The following CALN1 variants were observed in gnomAD, a reference collection of about 807,000 sequenced individuals.
CALN1 encodes the protein calcium-binding protein 8.
CALN1 carries 17 observed loss-of-function variants against 30.6 expected under a neutral mutation model. The observed-to-expected ratio is 0.56, with a 90% CI of 0.38 to 0.83. The LOEUF (loss-of-function observed/expected upper bound fraction) is 0.83, where lower values mean the gene tolerates loss of function less well. Among genes scored for constraint, CALN1 ranks in the 40% least tolerant of loss-of-function variants. The pLI is 0.00. For synonymous variants in CALN1, 156 were observed against 131.4 expected, an observed-to-expected ratio of 1.19 and a Z score of -1.28; for missense variants, 291 against 354.9, an observed-to-expected ratio of 0.82 and a Z score of 1.45.
chr7:72,337,330 A>AC (rs1355045575), intron 2 of CALN1: 1 of 961,704 alleles, frequency 1.0e-6, no homozygotes, highest in Non-Finnish European at 1.2e-6. Context: ...GGGAGCCCCC[A>AC]CCCCCCAACC....
At chr7:72,467,638 T>G in the CALN1 span, among the ~76,000 whole-genome samples, 1 of 152,170 alleles carries the variant, frequency 6.6e-6, no homozygotes, top group Non-Finnish European at 1.5e-5. Flanking sequence ...TGGCCGTCCA[T>G]AGCCCCGACC....
At chr7:71,969,255 C>T (rs887522916) in intron 5 of CALN1, among the ~76,000 whole-genome samples, 8 of 152,004 alleles carry the variant, frequency 5.3e-5, no homozygotes, top group Admixed American at 3.3e-4. Context: ...TAGTGTTACC[C>T]TTTGCCCAGG....
chr7:72,445,020 T>A lies in CALN1; in HGVS notation c.-226+2022A>T, dbSNP rs1240492433. On this transcript the variant is annotated intron_variant, in intron 1 of 6. Transcript: ENST00000395276. ...TAAACAAACTCCACTGGGACCTGCG[T>A]ACAGCTTCTTGAAAGCCAGCAGCCA... Among the ~76,000 whole-genome samples the A allele has an allele frequency of 2.0e-5, 3 of 149,668 alleles. No individual in the cohort carries two copies. In the Admixed American group the frequency reaches 2.0e-4, roughly 10 times the overall value.
chr7:72,297,399 ATC>A (rs1040893607), intron 2 of CALN1, among the ~76,000 whole-genome samples: 110 of 152,338 alleles, frequency 7.2e-4, no homozygotes, highest in African/African-American at 2.5e-3. Flanking sequence ...TAAACAACAA[ATC>A]TCTGACAGGT....
intron 3 of CALN1, among the ~76,000 whole-genome samples, chr7:72,271,737 C>T (rs969587520): frequency 1.3e-5 from 2 of 150,728 alleles, no homozygotes; most frequent in Non-Finnish European, 3.0e-5. Context: ...AACAACAGTG[C>T]CAGATGCTGC....
chr7:72,205,688 T>C (rs1416052568), intron 3 of CALN1, among the ~76,000 whole-genome samples: 1 of 150,076 alleles, frequency 6.7e-6, no homozygotes, highest in Non-Finnish European at 1.5e-5. Context: ...TTTTGTAACA[T>C]CAAATTTATC....
chr7:72,172,347 T>C lies in CALN1; in HGVS notation c.245-66053A>G, dbSNP rs538336636. On this transcript the variant is annotated intron_variant, in intron 3 of 6. Coordinates refer to ENST00000395275, the MANE Select transcript of CALN1 (RefSeq NM_031468.4). ...ACCTTCTCAGTCACATTCAGACCAT[T>C]TGTACCTCCTTCACAGCAACCAGTG... Among the ~76,000 whole-genome samples the C allele has an allele frequency of 1.4e-3, 208 of 152,280 alleles. 1 individual carries two copies. Among genetic ancestry groups the C allele is most frequent in the African/African-American group, 4.7e-3 (196 of 41,554 alleles).
chr7:71,905,099 C>A (rs1794058843), intron 5 of CALN1, among the ~76,000 whole-genome samples: 1 of 152,008 alleles, frequency 6.6e-6, no homozygotes, highest in Non-Finnish European at 1.5e-5. Flanking sequence ...TGACCATGCC[C>A]AACTAATTTT....
chr7:72,233,027 G>C (rs1794220614), intron 3 of CALN1, among the ~76,000 whole-genome samples: 1 of 151,976 alleles, frequency 6.6e-6, no homozygotes, highest in Non-Finnish European at 1.5e-5. Context: ...TCAATAATAT[G>C]CATATAATTT....
chr7:72,179,556 A>T (rs1481306039), intron 3 of CALN1, among the ~76,000 whole-genome samples: 5 of 152,292 alleles, frequency 3.3e-5, no homozygotes, highest in Admixed American at 2.0e-4. Context: ...ACTGAAGAAG[A>T]AAATAATAAA....
At chr7:72,451,016 A>C (rs1231941243), upstream of CALN1, among the ~76,000 whole-genome samples, 2 of 152,068 alleles carry the variant, frequency 1.3e-5, no homozygotes, top group East Asian at 3.9e-4. Flanking sequence ...GTGCCCCAGG[A>C]TGCTACAGTT....
intron 3 of CALN1, among the ~76,000 whole-genome samples, chr7:72,271,198 A>G (rs1350487920): frequency 2.0e-5 from 3 of 152,124 alleles, no homozygotes; most frequent in African/African-American, 7.2e-5. Flanking sequence ...ACACCTGCAC[A>G]GGACTACAGG....
At chr7:72,068,177 A>T (rs1804153114) in intron 4 of CALN1, among the ~76,000 whole-genome samples, 1 of 152,198 alleles carries the variant, frequency 6.6e-6, no homozygotes, top group South Asian at 2.1e-4. Flanking sequence ...CCTACTTTTT[A>T]AATGCAAGCA....
chr7:72,181,560 C>T (rs1423746224), intron 3 of CALN1, among the ~76,000 whole-genome samples: 1 of 151,088 alleles, frequency 6.6e-6, no homozygotes, highest in Non-Finnish European at 1.5e-5. Context: ...CTCATTGCAA[C>T]CTTCACCCCC....
intron 5 of CALN1, among the ~76,000 whole-genome samples, chr7:71,905,385 T>TC (rs917882732): frequency 3.3e-5 from 5 of 151,324 alleles, no homozygotes; most frequent in Non-Finnish European, 7.4e-5. Context: ...ATGTGTAGTT[T>TC]TTTTTTTTTT....
At chr7:72,346,122 A>G (rs1470455181) in intron 2 of CALN1, among the ~76,000 whole-genome samples, 1 of 152,200 alleles carries the variant, frequency 6.6e-6, no homozygotes, top group African/African-American at 2.4e-5. Context: ...TTTCTTTCTA[A>G]TTCAATAATT....
the CALN1 span, among the ~76,000 whole-genome samples, chr7:72,494,533 A>G: frequency 4.6e-5 from 7 of 152,156 alleles, no homozygotes; most frequent in Non-Finnish European, 1.5e-5. Context: ...ACCTGCGGGA[A>G]TTCCCTGGAC....
At chr7:71,793,697 C>T (rs1211205958) in intron 6 of CALN1, among the ~76,000 whole-genome samples, 1 of 152,042 alleles carries the variant, frequency 6.6e-6, no homozygotes. Context: ...CATGGCAAAA[C>T]CCCATCTCTA....
intron 2 of CALN1, among the ~76,000 whole-genome samples, chr7:72,303,535 C>A (rs1337541287): frequency 1.4e-5 from 2 of 140,888 alleles, no homozygotes; most frequent in Non-Finnish European, 3.1e-5. Flanking sequence ...CCAGCCTGGG[C>A]AACAAGAGCG....
Sources: gnomAD v4.1 joint callset for allele counts (sites outside exome capture counted in the v4.1 genomes callset) on GRCh38, gnomAD v4.1.1 for gene constraint, MANE v1.5 for transcripts, NCBI Gene and HGNC (gene_info 2026-07-23, HGNC 2026-07-21) for gene names.